Variants in CASR observed in about 807,000 individuals in gnomAD.
The protein encoded by CASR is extracellular calcium-sensing receptor.
A neutral mutation model predicts 69.1 loss-of-function variants in CASR; 23 were observed. That is an observed-to-expected ratio of 0.33 (90% CI 0.24 to 0.47). CASR has a LOEUF of 0.47. Ranked by LOEUF, CASR falls within the 20% of genes least tolerant of loss-of-function variation. The pLI is 1.00. For synonymous variants in CASR, 541 were observed against 544.7 expected (o/e 0.99, Z 0.10); for missense variants, 924 against 1,356.1 (o/e 0.68, Z 5.00).
At chr3:122,278,667 G>T (rs2074850993) in intron 5 of CASR, among the ~76,000 whole-genome samples, 1 of 152,144 alleles carries the variant, frequency 6.6e-6, no homozygotes, top group Non-Finnish European at 1.5e-5. Context: ...TTAGCTCATG[G>T]TTGCTGAAGG....
intron 1 of CASR, among the ~76,000 whole-genome samples, chr3:122,187,944 T>G (rs1309097521): frequency 6.6e-6 from 1 of 152,172 alleles, no homozygotes. Context: ...AGTTAAGTAA[T>G]TTAGCCACAG....
At chr3:122,200,634 T>G (rs553062657) in intron 1 of CASR, among the ~76,000 whole-genome samples, 33 of 152,354 alleles carry the variant, frequency 2.2e-4, no homozygotes, top group African/African-American at 7.9e-4. Flanking sequence ...ATTTATCTGT[T>G]CTTCTGTCAG....
intron 1 of CASR, among the ~76,000 whole-genome samples, chr3:122,206,161 A>G (rs369390858): frequency 5.9e-5 from 9 of 152,086 alleles, no homozygotes; most frequent in African/African-American, 2.2e-4. Context: ...ATTGTAAAGG[A>G]AAGTCCTTTA....
intron 3 of CASR, among the ~76,000 whole-genome samples, chr3:122,260,925 G>A (rs781095006): frequency 1.3e-5 from 2 of 152,136 alleles, no homozygotes; most frequent in Non-Finnish European, 2.9e-5. Context: ...GGAGAGGGAG[G>A]AGGAGGAATA....
At chr3:122,278,688 C>T (rs894134340) in intron 5 of CASR, among the ~76,000 whole-genome samples, 13 of 152,130 alleles carry the variant, frequency 8.5e-5, no homozygotes, top group South Asian at 2.1e-4. Context: ...ATGCAGTAAG[C>T]AGACCCAGAT....
intron 4 of CASR, among the ~76,000 whole-genome samples, chr3:122,273,802 A>G (rs1414514138): frequency 6.6e-6 from 1 of 152,112 alleles, no homozygotes; most frequent in Non-Finnish European, 1.5e-5. Context: ...ATTAAAGAGC[A>G]GAAGAACTGC....
intron 4 of CASR, among the ~76,000 whole-genome samples, chr3:122,272,289 A>G (rs2074769133): frequency 6.6e-6 from 1 of 152,122 alleles, no homozygotes; most frequent in Non-Finnish European, 1.5e-5. Flanking sequence ...ATCTAATCCA[A>G]TACTTTTTAA....
At chr3:122,198,720 T>G (rs2073913970) in intron 1 of CASR, among the ~76,000 whole-genome samples, 1 of 152,046 alleles carries the variant, frequency 6.6e-6, no homozygotes, top group Non-Finnish European at 1.5e-5. Flanking sequence ...ATTTTTTGAT[T>G]GTTCATTTTA....
At chr3:122,250,033 G>A (rs964579262) in intron 1 of CASR, among the ~76,000 whole-genome samples, 3 of 152,166 alleles carry the variant, frequency 2.0e-5, no homozygotes, top group Non-Finnish European at 2.9e-5. Flanking sequence ...AGAGGAAGCG[G>A]GGAGAAGGGA....
chr3:122,191,789 G>A (rs968143623), intron 1 of CASR, among the ~76,000 whole-genome samples: 1 of 152,192 alleles, frequency 6.6e-6, no homozygotes, highest in African/African-American at 2.4e-5. Context: ...GGTTGTAATG[G>A]TTTTCAAATG....
intron 1 of CASR, among the ~76,000 whole-genome samples, chr3:122,193,741 A>G (rs1318089659): frequency 6.6e-6 from 1 of 152,222 alleles, no homozygotes; most frequent in Non-Finnish European, 1.5e-5. Flanking sequence ...CATAAAGAGA[A>G]TCTTGGAGAT....
intron 5 of CASR, among the ~76,000 whole-genome samples, chr3:122,279,654 T>A (rs1023054357): frequency 2.0e-5 from 3 of 152,208 alleles, no homozygotes; most frequent in African/African-American, 7.2e-5. Flanking sequence ...TATTAACATT[T>A]AACACCTCTC....
At position 122,261,902 on chromosome 3, in the gene CASR, G is replaced by A. The variant is rs368612147; in HGVS notation, c.867G>A (p.Thr289=). ...AGGAGATTGTCCGGCGCAATATCAC[G>A]GGCAAGATCTGGCTGGCCAGCGAGG... ...LIKEIVRRNI[T]GKIWLASEAW... Residue 289 remains threonine, a synonymous_variant, in exon 4 of 7, where the codon ACG becomes ACA. Coordinates refer to ENST00000639785, the MANE Select transcript of CASR (RefSeq NM_000388.4). 1.5e-5 allele frequency: 24 copies of A among 1,614,054 alleles called. No homozygotes were observed. Among genetic ancestry groups the A allele is most frequent in the South Asian group, 7.7e-5 (7 of 91,080 alleles).
chr3:122,259,565 GACCAACGCCTTTTATGTTTCTA>G (rs898442181), intron 3 of CASR, among the ~76,000 whole-genome samples: 9 of 138,770 alleles, frequency 6.5e-5, no homozygotes, highest in Admixed American at 5.6e-4. Context: ...TTTTTTTACA[GACCAACGCCTTTTATGTTTCTA>G]ATGTAGAAAC....
intron 1 of CASR, among the ~76,000 whole-genome samples, chr3:122,216,086 TGATTAA>T (rs2074114959): frequency 6.6e-6 from 1 of 152,244 alleles, no homozygotes; most frequent in Non-Finnish European, 1.5e-5. Context: ...CTTTTGCAAA[TGATTAA>T]GCCCTATACA....
intron 1 of CASR, among the ~76,000 whole-genome samples, chr3:122,207,619 A>G (rs2074020072): frequency 6.6e-6 from 1 of 152,162 alleles, no homozygotes; most frequent in Non-Finnish European, 1.5e-5. Flanking sequence ...ATGTCTTGAA[A>G]TGAATGAAAA....
intron 1 of CASR, among the ~76,000 whole-genome samples, chr3:122,239,140 G>C (rs2074357207): frequency 6.6e-6 from 1 of 152,178 alleles, no homozygotes; most frequent in Non-Finnish European, 1.5e-5. Flanking sequence ...CCAGGTGTAG[G>C]CTCCTAGACA....
chr3:122,272,300 T>C (rs906744283), intron 4 of CASR, among the ~76,000 whole-genome samples: 5 of 152,240 alleles, frequency 3.3e-5, no homozygotes, highest in African/African-American at 1.2e-4. Flanking sequence ...TACTTTTTAA[T>C]GTGAAATCTA....
chr3:122,186,559 C>T (rs2073785871), intron 1 of CASR, among the ~76,000 whole-genome samples: 1 of 152,156 alleles, frequency 6.6e-6, no homozygotes, highest in South Asian at 2.1e-4. Context: ...TATATAAAAC[C>T]AGGTGAGGTC....
Sources: gnomAD v4.1 joint callset for allele counts (sites outside exome capture counted in the v4.1 genomes callset) on GRCh38, gnomAD v4.1.1 for gene constraint, MANE v1.5 for transcripts, NCBI Gene and HGNC (gene_info 2026-07-23, HGNC 2026-07-21) for gene names.